Variants in PAK1 observed in about 807,000 individuals in gnomAD.
The protein encoded by PAK1 is p21 (RAC1) activated kinase 1, also known as serine/threonine-protein kinase PAK 1.
In PAK1, 29 loss-of-function variants were observed where a neutral mutation model predicts 67.4. That is an observed-to-expected ratio of 0.43 (90% CI 0.32 to 0.59). The LOEUF is 0.59. Ranked by LOEUF, PAK1 falls within the 20% of genes least tolerant of loss-of-function variation. The pLI is 0.07. For missense variants in PAK1, 337 were observed against 670.7 expected (o/e 0.50, Z 5.50); for synonymous variants, 223 against 237.4 (o/e 0.94, Z 0.56).
intron 1 of PAK1, among the ~76,000 whole-genome samples, chr11:77,420,927 T>C (rs1592406939): frequency 6.6e-6 from 1 of 152,214 alleles, no homozygotes; most frequent in South Asian, 2.1e-4. Context: ...AAAATGTCAA[T>C]AGCGCCACTG....
At chr11:77,386,878 A>C (rs1161677874) in intron 2 of PAK1, among the ~76,000 whole-genome samples, 2 of 152,074 alleles carry the variant, frequency 1.3e-5, no homozygotes, top group Admixed American at 6.6e-5. Context: ...GGTTCAAGCA[A>C]TTCTCCTGCC....
chr11:77,460,113 G>A (rs1421391619), intron 1 of PAK1, among the ~76,000 whole-genome samples: 4 of 150,024 alleles, frequency 2.7e-5, no homozygotes, highest in African/African-American at 7.4e-5. Flanking sequence ...AAGAACAGGT[G>A]TGAAGGCCCT....
the PAK1 span, among the ~76,000 whole-genome samples, chr11:77,500,404 T>C: frequency 6.7e-6 from 1 of 150,088 alleles, no homozygotes; most frequent in African/African-American, 2.5e-5. Flanking sequence ...GCAGCGAAGG[T>C]TGCAGTGAGC....
At chr11:77,424,797 T>C (rs1421232295) in intron 1 of PAK1, among the ~76,000 whole-genome samples, 2 of 152,178 alleles carry the variant, frequency 1.3e-5, no homozygotes, top group African/African-American at 4.8e-5. Context: ...TCCTCCACCT[T>C]TAAGATCTTA....
intron 11 of PAK1, among the ~76,000 whole-genome samples, chr11:77,338,313 A>G (rs1042233610): frequency 2.0e-5 from 3 of 152,194 alleles, no homozygotes; most frequent in Admixed American, 2.0e-4. Flanking sequence ...TACTATTTAA[A>G]TGGTCCTAAC....
At chr11:77,518,771 T>G in the PAK1 span, among the ~76,000 whole-genome samples, 2 of 152,208 alleles carry the variant, frequency 1.3e-5, no homozygotes, top group Non-Finnish European at 2.9e-5. Context: ...CTTTTCCCAT[T>G]TATTTTGTTC....
intron 1 of PAK1, among the ~76,000 whole-genome samples, chr11:77,447,814 C>A (rs59348236): frequency 0.042 from 6,369 of 152,272 alleles, 441 homozygotes; most frequent in African/African-American, 0.14. Context: ...GCGTGAGCCA[C>A]CATGCCCAGC....
At chr11:77,459,834 C>A (rs2135472740) in intron 1 of PAK1, among the ~76,000 whole-genome samples, 1 of 151,942 alleles carries the variant, frequency 6.6e-6, no homozygotes, top group African/African-American at 2.4e-5. Flanking sequence ...GCAGCTGGGA[C>A]TACAGGCGCC....
intron 8 of PAK1, among the ~76,000 whole-genome samples, chr11:77,349,803 TG>T (rs1281425131): frequency 6.7e-6 from 1 of 150,356 alleles, no homozygotes. Context: ...GATTTTCAAC[TG>T]GGGGGGTGAC....
chr11:77,340,281 A>T (rs1242640588), intron 11 of PAK1, among the ~76,000 whole-genome samples: 1 of 152,212 alleles, frequency 6.6e-6, no homozygotes, highest in Admixed American at 6.5e-5. Flanking sequence ...CACATAAATA[A>T]AGCAAGAAAG....
At chr11:77,447,945 C>T (rs1257722255) in intron 1 of PAK1, among the ~76,000 whole-genome samples, 13 of 152,208 alleles carry the variant, frequency 8.5e-5, no homozygotes, top group Admixed American at 8.5e-4. Flanking sequence ...CTATTTGCTC[C>T]TCATTCCACC....
intron 5 of PAK1, among the ~76,000 whole-genome samples, chr11:77,367,931 A>G (rs943195708): frequency 6.6e-6 from 1 of 152,244 alleles, no homozygotes; most frequent in South Asian, 2.1e-4. Flanking sequence ...GTGAGCTGAG[A>G]TCACGCCGCT....
intron 4 of PAK1, among the ~76,000 whole-genome samples, chr11:77,375,257 C>T (rs1194227317): frequency 6.6e-6 from 1 of 152,132 alleles, no homozygotes; most frequent in African/African-American, 2.4e-5. Context: ...GCTTAAATGG[C>T]CAAGAAAATC....
rs1941919225 is a variant in PAK1, at chr11:77,332,677, G to A, written c.1551+53C>T. On this transcript the variant is annotated intron_variant, in intron 14 of 14. Transcript: ENST00000356341. ...ACCTTACAAACATGAAGTAAAAAAG[G>A]CCTGGTTTAGTGATTCCCTGAATTA... is the stretch of plus-strand genomic sequence containing the variant. 9.4e-6 allele frequency: 14 copies of A among 1,495,774 alleles called. 1 individual carries two copies. The South Asian group carries it at 1.5e-4, about 16-fold the overall frequency. 92.7% of individuals were successfully genotyped at this position (1,495,774 alleles called of 1,614,324 possible).
At chr11:77,490,132 TGC>T in the PAK1 span, among the ~76,000 whole-genome samples, 1 of 151,270 alleles carries the variant, frequency 6.6e-6, no homozygotes, top group African/African-American at 2.4e-5. Context: ...GGAGCATCTC[TGC>T]CTGGCCGCCC....
the PAK1 span, among the ~76,000 whole-genome samples, chr11:77,506,736 C>G: frequency 7.2e-5 from 11 of 152,150 alleles, no homozygotes; most frequent in Middle Eastern, 3.4e-3. Context: ...TATTTTCTTC[C>G]TGATGGACCT....
At chr11:77,504,293 A>C in the PAK1 span, among the ~76,000 whole-genome samples, 1 of 152,194 alleles carries the variant, frequency 6.6e-6, no homozygotes. Context: ...AGCAAAAAAA[A>C]AAAAATAGTG....
chr11:77,525,725 T>C, the PAK1 span, among the ~76,000 whole-genome samples: 4 of 152,218 alleles, frequency 2.6e-5, no homozygotes, highest in Non-Finnish European at 4.4e-5. Context: ...AAGTGATCTT[T>C]CTCAGGCGTC....
chr11:77,472,324 A>C (rs1957899882), intron 1 of PAK1, among the ~76,000 whole-genome samples: 1 of 152,192 alleles, frequency 6.6e-6, no homozygotes, highest in Non-Finnish European at 1.5e-5. Context: ...GGGAGTTTTT[A>C]TATGCACCTG....
Sources: gnomAD v4.1 joint callset for allele counts (sites outside exome capture counted in the v4.1 genomes callset) on GRCh38, gnomAD v4.1.1 for gene constraint, MANE v1.5 for transcripts, NCBI Gene and HGNC (gene_info 2026-07-23, HGNC 2026-07-21) for gene names.